The following ANO4 variants were observed in gnomAD, a reference collection of about 807,000 sequenced individuals.
ANO4 encodes the protein anoctamin 4, also known as anoctamin-4.
In ANO4, 69 loss-of-function variants were observed where a neutral mutation model predicts 141.9. The ratio of observed to expected loss-of-function variants is 0.49; its 90% CI spans 0.40 to 0.59. The LOEUF is 0.59. Ranked by LOEUF, ANO4 falls within the 20% of genes least tolerant of loss-of-function variation. ANO4 has a pLI of 0.00. For synonymous variants in ANO4, 350 were observed against 394.3 expected, an observed-to-expected ratio of 0.89 and a Z score of 1.33; for missense variants, 894 against 1,162.2, an observed-to-expected ratio of 0.77 and a Z score of 3.36.
intron 17 of ANO4, among the ~76,000 whole-genome samples, chr12:101,088,247 C>G (rs2049589908): frequency 6.6e-6 from 1 of 152,060 alleles, no homozygotes; most frequent in Non-Finnish European, 1.5e-5. Flanking sequence ...CTGCCTGGAG[C>G]CTTTTCCTCC....
chr12:101,033,406 A>G (rs533709229), intron 9 of ANO4, among the ~76,000 whole-genome samples: 12 of 152,218 alleles, frequency 7.9e-5, no homozygotes, highest in African/African-American at 2.9e-4. Context: ...AGCATGTCAC[A>G]TGTATATATA....
chr12:100,857,536 C>T (rs1353063358), intron 1 of ANO4, among the ~76,000 whole-genome samples: 1 of 152,134 alleles, frequency 6.6e-6, no homozygotes, highest in Non-Finnish European at 1.5e-5. Context: ...AACCCTGAGG[C>T]ATGCCAACTC....
chr12:101,039,449 G>T (rs933356110), intron 10 of ANO4, among the ~76,000 whole-genome samples: 16 of 152,238 alleles, frequency 1.1e-4, no homozygotes, highest in African/African-American at 3.1e-4. Context: ...AGGTTGCAGT[G>T]AGCTGAGATT....
intron 8 of ANO4, among the ~76,000 whole-genome samples, chr12:101,011,176 A>G (rs1004003460): frequency 1.2e-4 from 19 of 152,306 alleles, no homozygotes; most frequent in Middle Eastern, 3.4e-3. Context: ...ATGCCAAAAA[A>G]TCATGGAAAT....
intron 1 of ANO4, among the ~76,000 whole-genome samples, chr12:100,870,718 A>G (rs556288623): frequency 2.0e-4 from 31 of 152,278 alleles, no homozygotes; most frequent in African/African-American, 5.1e-4. Context: ...AGGGTGATCT[A>G]TAGTCCAGGA....
At chr12:100,995,222 G>T (rs1266360445) in intron 8 of ANO4, among the ~76,000 whole-genome samples, 1 of 152,118 alleles carries the variant, frequency 6.6e-6, no homozygotes, top group Non-Finnish European at 1.5e-5. Flanking sequence ...TCCTACAGAA[G>T]GTGTGATTGG....
chr12:100,881,657 T>C (rs1032833035), intron 1 of ANO4, among the ~76,000 whole-genome samples: 4 of 152,210 alleles, frequency 2.6e-5, no homozygotes, highest in Non-Finnish European at 5.9e-5. Context: ...TCAACCTCAG[T>C]TTCCTCATCT....
chr12:100,934,095 A>T (rs2042193470), intron 3 of ANO4, among the ~76,000 whole-genome samples: 1 of 152,050 alleles, frequency 6.6e-6, no homozygotes, highest in South Asian at 2.1e-4. Context: ...GAACCTCTTT[A>T]GTTTAATTAC....
At chr12:100,884,940 C>T (rs2039757596) in intron 1 of ANO4, among the ~76,000 whole-genome samples, 1 of 152,210 alleles carries the variant, frequency 6.6e-6, no homozygotes, top group Non-Finnish European at 1.5e-5. Flanking sequence ...GGTGATCCGC[C>T]CGCCTTGGCC....
intron 1 of ANO4, among the ~76,000 whole-genome samples, chr12:100,798,177 G>T (rs1190978024): frequency 6.6e-6 from 1 of 152,166 alleles, no homozygotes; most frequent in Non-Finnish European, 1.5e-5. Flanking sequence ...GTGTTATAAA[G>T]TAAAATCATT....
intron 7 of ANO4, among the ~76,000 whole-genome samples, chr12:100,984,065 C>T (rs145785769): frequency 6.6e-6 from 1 of 152,160 alleles, no homozygotes; most frequent in East Asian, 1.9e-4. Context: ...TTCACACCCT[C>T]CAGCCCCCAT....
rs1043228357 is a variant in ANO4 at position 101,062,652 on chromosome 12, G to C, written c.1312+14251G>C. ...GCCAAGCTGCAGTGGGCTCCACCCAGTTCTAACTTCCTGGCGGCTTTGTTT... is the reference window on the plus strand; with the variant it reads ...GCCAAGCTGCAGTGGGCTCCACCCACTTCTAACTTCCTGGCGGCTTTGTTT... On this transcript the variant is annotated intron_variant, in intron 14 of 27. Coordinates refer to ENST00000392977, the MANE Select transcript of ANO4 (RefSeq NM_001286615.2). Among the ~76,000 whole-genome samples the C allele has an allele frequency of 1.4e-4, 21 of 152,216 alleles. 1 individual carries two copies. The highest frequency in any genetic ancestry group is 2.5e-4 in the Non-Finnish European group (17 of 68,038).
chr12:101,086,975 G>A (rs1394905836), intron 17 of ANO4, 151 bp downstream of exon 17: 7 of 913,686 alleles, frequency 7.7e-6, no homozygotes, highest in Non-Finnish European at 1.1e-5. Flanking sequence ...GCATGAAGAT[G>A]CACTTGGGTC....
At chr12:100,766,525 A>G (rs564698881) in intron 3 of ANO4, among the ~76,000 whole-genome samples, 43 of 152,080 alleles carry the variant, frequency 2.8e-4, no homozygotes, top group African/African-American at 1.0e-3. Flanking sequence ...TGTGTTGTTT[A>G]CTTTCCCCAT....
intron 7 of ANO4, among the ~76,000 whole-genome samples, chr12:100,977,757 C>A (rs536021218): frequency 4.1e-4 from 63 of 152,258 alleles, no homozygotes; most frequent in African/African-American, 1.4e-3. Context: ...TCCTGAGTAG[C>A]AAATCTGATT....
intron 22 of ANO4, among the ~76,000 whole-genome samples, chr12:101,104,076 G>C (rs1226362134): frequency 6.6e-6 from 1 of 151,794 alleles, no homozygotes; most frequent in Admixed American, 6.6e-5. Flanking sequence ...AGGGTGTATA[G>C]TGATGCCCTT....
chr12:100,793,295 G>A (rs554716732), upstream of ANO4, among the ~76,000 whole-genome samples: 106 of 152,276 alleles, frequency 7.0e-4, no homozygotes, highest in African/African-American at 2.0e-3. Flanking sequence ...GACTTCCCTG[G>A]CAAACTATCC....
intron 3 of ANO4, among the ~76,000 whole-genome samples, chr12:100,931,674 C>T (rs2042092423): frequency 6.6e-6 from 1 of 152,150 alleles, no homozygotes; most frequent in South Asian, 2.1e-4. Context: ...TGTCTCCTTT[C>T]CCACTTCCTT....
At chr12:101,096,712 G>T in intron 19 of ANO4, 65 bp downstream of exon 19, 2 of 1,264,718 alleles carry the variant, frequency 1.6e-6, no homozygotes, top group African/African-American at 1.5e-5. Flanking sequence ...GCACTGACTC[G>T]TGGGGACAGA....
Sources: allele counts gnomAD v4.1 joint callset (sites outside exome capture counted in the v4.1 genomes callset), GRCh38; gene constraint gnomAD v4.1.1; transcripts MANE v1.5; gene names NCBI Gene and HGNC (gene_info 2026-07-23, HGNC 2026-07-21).